The following SKIDA1 variants were observed in gnomAD, a reference collection of about 807,000 sequenced individuals.
SKIDA1 encodes SKI/DACH domain-containing protein 1.
Under a neutral mutation model 51.4 loss-of-function variants are expected in SKIDA1, and 18 were observed. The ratio of observed to expected loss-of-function variants is 0.35; its 90% CI spans 0.24 to 0.52. The LOEUF (loss-of-function observed/expected upper bound fraction) is 0.52, where lower values mean the gene tolerates loss of function less well. Ranked by LOEUF, SKIDA1 falls within the 20% of genes least tolerant of loss-of-function variation. SKIDA1 has a pLI of 0.95. For synonymous variants in SKIDA1, 579 were observed against 500.5 expected (o/e 1.16, Z -2.09); for missense variants, 1,104 against 1,180.6 (o/e 0.94, Z 0.95).
Position 21,516,771 on chromosome 10 carries a change from T to G in SKIDA1, c.1052A>C (p.His351Pro). 6.6e-7 allele frequency: 1 copy of G among 1,507,060 alleles called. No individual in the cohort carries two copies. Among genetic ancestry groups the G allele is most frequent in the African/African-American group, 1.4e-5 (1 of 70,292 alleles). 93.4% of individuals were successfully genotyped at this position (1,507,060 alleles called of 1,614,324 possible). Residue 351 changes from histidine (H) to proline (P), a missense_variant, in exon 4 of 4, where the codon CAC becomes CCC. Physicochemically the swap from His to Pro is moderately conservative, Grantham distance 77. Transcript: ENST00000449193. The surrounding 1 kb of genome is among the most constrained non-coding windows in gnomAD (Gnocchi z 5.7). ...ACTCTGCTGCGGCGGCTGGGCCCGG[T>G]GGTGGTGGTGGTGGTGGTGATGGTG... The part of the protein sequence containing the change: ...HHHHHHHHHH[H>P]RAQPPQQSHH...
Position 21,519,019 on chromosome 10 carries a change from TA to T in SKIDA1, c.-1198del, listed in dbSNP as rs983753073. The T allele has an allele frequency of 1.8e-5, 3 of 167,012 alleles. No homozygotes were observed. Among genetic ancestry groups the T allele is most frequent in the Non-Finnish European group, 2.9e-5 (2 of 68,126 alleles). The allele number at this position is 167,012 out of a possible 1,614,324, so 10.3% of individuals were successfully genotyped here. A position where few individuals can be genotyped will look rare whatever the true frequency, so the allele number is the denominator to read the frequency against. ...AGGAGGTAGTTTCACGTCAGACCCA[TA>T]ACAAAGCATAGATAAGCCAGAAATG... On this transcript the variant is annotated 5_prime_UTR_variant, in exon 4 of 4. The change creates a premature stop within an existing upstream ORF in the 5' untranslated region. Coordinates refer to ENST00000449193, the MANE Select transcript of SKIDA1 (RefSeq NM_207371.4).
At chr10:21,523,636 C>T (rs898669539) in intron 2 of SKIDA1, 47 bp downstream of exon 2, 1 of 152,072 alleles carries the variant, frequency 6.6e-6, no homozygotes, top group Non-Finnish European at 1.5e-5. Flanking sequence ...TACACAAGGG[C>T]CAAACATATA....
rs1267416599 is a variant in SKIDA1 at position 21,518,958 on chromosome 10, C to G, written c.-1136G>C. 2 of 165,288 alleles carry G rather than the reference C, an allele frequency of 1.2e-5. No individual in the cohort carries two copies. The highest frequency in any genetic ancestry group is 4.9e-5 in the African/African-American group (2 of 40,762). 10.2% of individuals were successfully genotyped at this position (165,288 alleles called of 1,614,324 possible). A position where few individuals can be genotyped will look rare whatever the true frequency, so the allele number is the denominator to read the frequency against. ...GCTCCGAAACACTGTAACAATTCAA[C>G]TGGATTTCGGTTCTCTGCTGGGGGG... On this transcript the variant is annotated 5_prime_UTR_variant, in exon 4 of 4. Coordinates refer to ENST00000449193, the MANE Select transcript of SKIDA1 (RefSeq NM_207371.4).
intron 2 of SKIDA1, among the ~76,000 whole-genome samples, chr10:21,522,482 A>AAAT (rs1236312789): frequency 2.6e-5 from 4 of 152,142 alleles, no homozygotes; most frequent in African/African-American, 9.7e-5. Context: ...TAAAAGTTTA[A>AAAT]AATAATAATA....
rs148532603 is a variant in SKIDA1 at position 21,515,792 on chromosome 10, C to A, written c.2031G>T (p.Lys677Asn). 2.5e-3 allele frequency: 4,032 copies of A among 1,613,998 alleles called. 105 individuals carry two copies. The East Asian group carries it at 0.042, about 17-fold the overall frequency. The change falls in exon 4 of 4, where the codon AAG (lysine) becomes AAT (asparagine). Residue 677 changes from lysine to asparagine, a missense_variant. Around this residue, in one of 3 missense-constraint regions of SKIDA1, gnomAD observed 938 missense variants for 886.4 expected, o/e 1.06. Transcript: ENST00000449193. ...TAATATTGTGCAGAAATGGCAATGT[C>A]TTGTCGCCTGTGTCAGTGCAGGGAT... ...AENPCTDTGD[K>N]TLPFLHNIKI...
In SKIDA1 at chr10:21,513,920, G is replaced by A. The variant is rs1443826599; in HGVS notation, c.*1176C>T. On this transcript the variant is annotated 3_prime_UTR_variant, in exon 4 of 4. Coordinates refer to ENST00000449193, the MANE Select transcript of SKIDA1 (RefSeq NM_207371.4). ...CGGCCATGAAATATTCTGCTATTACGAGAAATATTTCAGCCCGGGCATGGT... is the reference window on the plus strand; with the variant it reads ...CGGCCATGAAATATTCTGCTATTACAAGAAATATTTCAGCCCGGGCATGGT... 1.3e-5 allele frequency: 2 copies of A among 151,938 alleles called. No homozygotes were observed. Among genetic ancestry groups the A allele is most frequent in the African/African-American group, 4.8e-5 (2 of 41,356 alleles). The allele number at this position is 151,938 out of a possible 1,614,324, so 9.4% of individuals were successfully genotyped here.
chr10:21,516,891 G>A lies in SKIDA1; in HGVS notation c.932C>T (p.Ala311Val). The change falls in exon 4 of 4, where the codon GCA (alanine) becomes GTA (valine). Residue 311 changes from alanine to valine, a missense_variant. Physicochemically the swap from Ala to Val is moderately conservative, Grantham distance 64 (BLOSUM62 0). Coordinates refer to ENST00000449193, the MANE Select transcript of SKIDA1 (RefSeq NM_207371.4). This position sits in a 1 kb window ranked among gnomAD's most constrained non-coding sequence, Gnocchi z 5.7. ...CCCCGCGGCGGCCGCCGCCGCCGCT[G>A]CCGCCGCCGCCGCCGCCGCCGCCGC... is the stretch of plus-strand genomic sequence containing the variant. ...AKAAAAAAAAAAAAAAAAGAT... is the reference protein window; with the variant it reads ...AKAAAAAAAAVAAAAAAAGAT... 4 of 1,192,572 alleles carry A rather than the reference G, an allele frequency of 3.4e-6. No individual in the cohort carries two copies. Among genetic ancestry groups the A allele is most frequent in the Non-Finnish European group, 3.1e-6 (3 of 963,906 alleles). 73.9% of individuals were successfully genotyped at this position (1,192,572 alleles called of 1,614,324 possible).
chr10:21,516,181 CGTT>C lies in SKIDA1; in HGVS notation c.1639_1641del (p.Asn547del). Reference sequence around the variant, plus strand: ...GGGAATGTAATCTCAGATACCCTATCGTTCCTTATCTCAGCGAAACAACTCCCC... The same window carrying C: ...GGGAATGTAATCTCAGATACCCTATCCCTTATCTCAGCGAAACAACTCCCC... On this transcript the variant is annotated inframe_deletion, in exon 4 of 4. Coordinates refer to ENST00000449193, the MANE Select transcript of SKIDA1 (RefSeq NM_207371.4). The surrounding 1 kb of genome is among the most constrained non-coding windows in gnomAD (Gnocchi z 5.7). The C allele has an allele frequency of 3.7e-6, 6 of 1,614,044 alleles. No individual in the cohort carries two copies. The highest frequency in any genetic ancestry group is 5.1e-6 in the Non-Finnish European group (6 of 1,179,906).
In SKIDA1 at chr10:21,517,334, C is replaced by CGCG. The variant is rs1052020505; in HGVS notation, c.486_488dup (p.Ala163dup). ...TCTGAGGTAGATGGGCGGCGGGGCG[C>CGCG]GCGGCGGCGGCGCCCGGGCGCTGGG... On this transcript the variant is annotated inframe_insertion, in exon 4 of 4. Coordinates refer to ENST00000449193, the MANE Select transcript of SKIDA1 (RefSeq NM_207371.4). This position sits in a 1 kb window ranked among gnomAD's most constrained non-coding sequence, Gnocchi z 6.9. The CGCG allele has an allele frequency of 1.1e-5, 16 of 1,423,434 alleles. No individual in the cohort carries two copies. The highest frequency in any genetic ancestry group is 2.0e-4 in the Middle Eastern group (1 of 4,910). The allele number at this position is 1,423,434 out of a possible 1,614,324, so 88.2% of individuals were successfully genotyped here.
intron 1 of SKIDA1, among the ~76,000 whole-genome samples, chr10:21,525,325 T>C (rs1564341326): frequency 6.6e-6 from 1 of 152,196 alleles, no homozygotes; most frequent in African/African-American, 2.4e-5. Context: ...GGGATTCGTA[T>C]TGAAATGCAT....
intron 1 of SKIDA1, 25 bp downstream of exon 1, chr10:21,525,522 C>G (rs921909397): frequency 1.1e-4 from 17 of 152,348 alleles, no homozygotes; most frequent in African/African-American, 4.1e-4. Flanking sequence ...CTCCACCCCA[C>G]CCCGCCTCAA....
Position 21,515,683 on chromosome 10 carries a change from T to C in SKIDA1, c.2140A>G (p.Thr714Ala). ...TNKLKCECND[T>A]KGEFYSVTES... Reference sequence around the variant, plus strand: ...GTCACACTGTAAAACTCACCCTTTGTATCATTGCACTCGCACTTTAGCTTA... The same window carrying C: ...GTCACACTGTAAAACTCACCCTTTGCATCATTGCACTCGCACTTTAGCTTA... Residue 714 changes from threonine (T) to alanine (A), a missense_variant, in exon 4 of 4, where the codon ACA becomes GCA. This residue lies in a region of SKIDA1 where 938 missense variants were observed against 886.4 expected (regional missense o/e 1.06). Coordinates refer to ENST00000449193, the MANE Select transcript of SKIDA1 (RefSeq NM_207371.4). The C allele has an allele frequency of 1.2e-6, 2 of 1,614,056 alleles. No homozygotes were observed. The highest frequency in any genetic ancestry group is 1.7e-6 in the Non-Finnish European group (2 of 1,179,896).
At position 21,513,942 on chromosome 10, in the gene SKIDA1, T is replaced by C. The variant is rs1249263253; in HGVS notation, c.*1154A>G. ...TACGAGAAATATTTCAGCCCGGGCATGGTGGATCACACCTTTAATCCCAGC... is the reference window on the plus strand; with the variant it reads ...TACGAGAAATATTTCAGCCCGGGCACGGTGGATCACACCTTTAATCCCAGC... On this transcript the variant is annotated 3_prime_UTR_variant, in exon 4 of 4. Coordinates refer to ENST00000449193, the MANE Select transcript of SKIDA1 (RefSeq NM_207371.4). 2 of 152,238 alleles carry C rather than the reference T, an allele frequency of 1.3e-5. No homozygotes were observed. Among genetic ancestry groups the C allele is most frequent in the East Asian group, 1.9e-4 (1 of 5,182 alleles). 9.4% of individuals were successfully genotyped at this position (152,238 alleles called of 1,614,324 possible).
Position 21,516,529 on chromosome 10 carries a change from C to T in SKIDA1, c.1294G>A (p.Gly432Arg). The T allele has an allele frequency of 6.4e-7, 1 of 1,560,968 alleles. No homozygotes were observed. Among genetic ancestry groups the T allele is most frequent in the East Asian group, 2.4e-5 (1 of 42,322 alleles). ...EEEEEEEGGS[G>R]ASDSSEVSSE... ...CTGACTTCACTGGAATCCGAGGCCC[C>T]GCTGCCCCCCTCCTCCTCCTCTTCC... The change falls in exon 4 of 4, where the codon GGG becomes AGG. Residue 432 changes from glycine (G) to arginine (R), a missense_variant. Around this residue, in one of 3 missense-constraint regions of SKIDA1, gnomAD observed 938 missense variants for 886.4 expected, o/e 1.06. Coordinates refer to ENST00000449193, the MANE Select transcript of SKIDA1 (RefSeq NM_207371.4). This position sits in a 1 kb window ranked among gnomAD's most constrained non-coding sequence, Gnocchi z 5.7.
At chr10:21,520,956 CAT>C (rs1477260537) in intron 3 of SKIDA1, among the ~76,000 whole-genome samples, 3 of 152,034 alleles carry the variant, frequency 2.0e-5, no homozygotes, top group Non-Finnish European at 4.4e-5. Flanking sequence ...TACTATTACA[CAT>C]CTTTCTTCGT....
Position 21,521,835 on chromosome 10 carries a change from G to A in SKIDA1, c.-1928-355C>T, listed in dbSNP as rs187027013. Among the ~76,000 whole-genome samples, 398 of 152,240 alleles carry A rather than the reference G, an allele frequency of 2.6e-3. 4 individuals carry two copies. The highest frequency in any genetic ancestry group is 6.6e-3 in the Admixed American group (101 of 15,288). On this transcript the variant is annotated intron_variant, in intron 2 of 3. Coordinates refer to ENST00000449193, the MANE Select transcript of SKIDA1 (RefSeq NM_207371.4). The stretch of plus-strand genomic sequence containing the variant: ...ATATTCCTAATGTCCACTTACTTCT[G>A]CATTTATTGTAAAAAATCAGCACTT...
In SKIDA1 at chr10:21,515,037, G is replaced by C. The variant is rs2032156197; in HGVS notation, c.*59C>G. On this transcript the variant is annotated 3_prime_UTR_variant, in exon 4 of 4. Coordinates refer to ENST00000449193, the MANE Select transcript of SKIDA1 (RefSeq NM_207371.4). The stretch of plus-strand genomic sequence containing the variant: ...TTAATGGACTTGTACAAACCATCCT[G>C]TGCAGTTTACAACAAAAGGAAGGTA... 1 of 1,491,304 alleles carries C rather than the reference G, an allele frequency of 6.7e-7. No homozygotes were observed. Among genetic ancestry groups the C allele is most frequent in the Non-Finnish European group, 8.9e-7 (1 of 1,121,594 alleles). 92.4% of individuals were successfully genotyped at this position (1,491,304 alleles called of 1,614,324 possible). A position where few individuals can be genotyped will look rare whatever the true frequency, so the allele number is the denominator to read the frequency against.
rs995935405 is a variant in SKIDA1 at position 21,516,508 on chromosome 10, C to T, written c.1315G>A (p.Val439Ile). The stretch of plus-strand genomic sequence containing the variant: ...GACGAGTCCTCCTCCTCCGAGCTGA[C>T]TTCACTGGAATCCGAGGCCCCGCTG... ...GGSGASDSSE[V>I]SSEEEDSSTE... Residue 439 changes from valine to isoleucine, a missense_variant, in exon 4 of 4, where the codon GTC becomes ATC. Coordinates refer to ENST00000449193, the MANE Select transcript of SKIDA1 (RefSeq NM_207371.4). The surrounding 1 kb of genome is among the most constrained non-coding windows in gnomAD (Gnocchi z 5.7). 1.9e-6 allele frequency: 3 copies of T among 1,595,564 alleles called. No individual in the cohort carries two copies. The highest frequency in any genetic ancestry group is 2.2e-5 in the South Asian group (2 of 89,050).
chr10:21,523,768 G>A lies in SKIDA1; in HGVS notation c.-2014C>T, dbSNP rs2032516048. 6.6e-6 allele frequency: 1 copy of A among 152,060 alleles called. No individual in the cohort carries two copies. The highest frequency in any genetic ancestry group is 2.4e-5 in the African/African-American group (1 of 41,376). 9.4% of individuals were successfully genotyped at this position (152,060 alleles called of 1,614,324 possible). A position where few individuals can be genotyped will look rare whatever the true frequency, so the allele number is the denominator to read the frequency against. ...AGACATGAGGAGCCTGATGGTCTCT[G>A]GAAAGGGAATCCTCTTCTGGTTCTG... On this transcript the variant is annotated 5_prime_UTR_variant, in exon 2 of 4. Coordinates refer to ENST00000449193, the MANE Select transcript of SKIDA1 (RefSeq NM_207371.4).
Sources: gnomAD v4.1 joint callset for allele counts (sites outside exome capture counted in the v4.1 genomes callset) on GRCh38, gnomAD v4.1.1 for gene constraint, gnomAD v4.1.1 regional missense constraint, Gnocchi (gnomAD v3.1) non-coding constraint, MANE v1.5 for transcripts, NCBI Gene and HGNC (gene_info 2026-07-23, HGNC 2026-07-21) for gene names.